The following PTK2 variants were observed in gnomAD, a reference collection of about 807,000 sequenced individuals.
PTK2 encodes the protein focal adhesion kinase 1.
In PTK2, 45 loss-of-function variants were observed where a neutral mutation model predicts 150.1. That is an observed-to-expected ratio of 0.30 (90% confidence interval 0.24 to 0.38). The LOEUF is 0.38. PTK2 is among the 10% of genes least tolerant of loss of function. PTK2 has a pLI of 1.00. For synonymous variants in PTK2, 432 were observed against 449.2 expected (o/e 0.96, Z 0.48); for missense variants, 919 against 1,307.3 (o/e 0.70, Z 4.58).
chr8:140,719,970 ATGT>A (rs1189619633), intron 22 of PTK2, among the ~76,000 whole-genome samples: 1 of 151,946 alleles, frequency 6.6e-6, no homozygotes, highest in African/African-American at 2.4e-5. Flanking sequence ...CAGGACACAA[ATGT>A]TGTGATGAGC....
Position 140,770,698 on chromosome 8 carries a change from C to CAAAT in PTK2, c.1178-6412_1178-6409dup. 1 of 1,267,842 alleles carries CAAAT rather than the reference C, an allele frequency of 7.9e-7. No individual in the cohort carries two copies. Among genetic ancestry groups the CAAAT allele is most frequent in the South Asian group, 1.3e-5 (1 of 77,778 alleles). 78.5% of individuals were successfully genotyped at this position (1,267,842 alleles called of 1,614,324 possible). The stretch of plus-strand genomic sequence containing the variant: ...GCTCTGGTTAATAGGAGAGCCTGTG[C>CAAAT]AAATATGAGTGCAGTACCCGTAGAA... On this transcript the variant is annotated intron_variant, in intron 14 of 31. Coordinates refer to ENST00000522684, the Ensembl canonical transcript of PTK2.
intron 16 of PTK2, among the ~76,000 whole-genome samples, chr8:140,753,992 G>A (rs769526331): frequency 6.6e-6 from 1 of 152,218 alleles, no homozygotes; most frequent in Non-Finnish European, 1.5e-5. Flanking sequence ...CAAGTTAGCT[G>A]TCGCATACTT....
At chr8:140,999,312 G>A (rs540116052) in intron 1 of PTK2, among the ~76,000 whole-genome samples, 4 of 152,304 alleles carry the variant, frequency 2.6e-5, no homozygotes, top group African/African-American at 9.6e-5. Flanking sequence ...TAAATAATCT[G>A]TGCCTGTGTT....
At chr8:140,737,063 A>G (rs1374581565) in intron 21 of PTK2, among the ~76,000 whole-genome samples, 1 of 152,206 alleles carries the variant, frequency 6.6e-6, no homozygotes, top group Admixed American at 6.5e-5. Context: ...CAACAATATT[A>G]TCAGTAGTAG....
At chr8:140,813,813 A>C (rs1474885323) in intron 10 of PTK2, among the ~76,000 whole-genome samples, 1 of 128,208 alleles carries the variant, frequency 7.8e-6, no homozygotes, top group Admixed American at 8.3e-5. Context: ...AACCAGGATG[A>C]ATTGAAGGAG....
exon 15 of PTK2, chr8:140,764,265 T>A (rs1194090798): frequency 6.2e-7 from 1 of 1,611,364 alleles, no homozygotes; most frequent in Admixed American, 1.7e-5. Context: ...CTTCTTCATC[T>A]ATAATCTCAG....
At chr8:140,803,724 G>T in intron 10 of PTK2, 74 bp from the exon 11 acceptor site, 1 of 1,351,254 alleles carries the variant, frequency 7.4e-7, no homozygotes. Context: ...AATGTTCTGT[G>T]AAATCCTCGT....
At chr8:140,980,981 C>G (rs1337251723) in intron 1 of PTK2, among the ~76,000 whole-genome samples, 1 of 109,880 alleles carries the variant, frequency 9.1e-6, no homozygotes, top group African/African-American at 2.7e-5. Flanking sequence ...AGGCTGGTCT[C>G]GAACTCTTCA....
rs146424659 is a variant in PTK2 at position 140,875,290 on chromosome 8, G to A, written c.362+4181C>T. Among the ~76,000 whole-genome samples, 487 of 152,212 alleles carry A rather than the reference G, an allele frequency of 3.2e-3. 1 individual carries two copies. The highest frequency in any genetic ancestry group is 4.8e-3 in the Non-Finnish European group (328 of 68,010). On this transcript the variant is annotated intron_variant, in intron 4 of 31. Coordinates refer to ENST00000522684, the Ensembl canonical transcript of PTK2. ...AAACGATAAAGGAAAAAAGGGAGGT[G>A]AGACAAAGAAAGCGTTAATTAAGAT...
intron 22 of PTK2, among the ~76,000 whole-genome samples, chr8:140,728,067 TGC>T (rs538192781): frequency 6.6e-6 from 1 of 151,794 alleles, no homozygotes; most frequent in South Asian, 2.1e-4. Flanking sequence ...AGCACAGTGG[TGC>T]GCGCCTGTAA....
chr8:140,760,174 A>AAG (rs2100068583), intron 16 of PTK2, among the ~76,000 whole-genome samples: 1 of 152,012 alleles, frequency 6.6e-6, no homozygotes, highest in East Asian at 1.9e-4. Flanking sequence ...GTGAGCTGAG[A>AAG]AGACACCACT....
intron 26 of PTK2, 97 bp downstream of exon 29, chr8:140,700,794 C>T: frequency 6.8e-7 from 1 of 1,472,804 alleles, no homozygotes; most frequent in Non-Finnish European, 9.2e-7. Flanking sequence ...AAAACTAACT[C>T]TCCTGCTTTG....
At chr8:140,763,015 C>CA (rs2100070235) in intron 15 of PTK2, among the ~76,000 whole-genome samples, 1 of 152,190 alleles carries the variant, frequency 6.6e-6, no homozygotes, top group African/African-American at 2.4e-5. Flanking sequence ...CTCTTAGACT[C>CA]AAACAATTCT....
intron 1 of PTK2, among the ~76,000 whole-genome samples, chr8:140,968,235 T>A (rs1175630182): frequency 6.6e-6 from 1 of 152,212 alleles, no homozygotes; most frequent in Non-Finnish European, 1.5e-5. Context: ...GCCCATTTTG[T>A]ATGCATAGCA....
At chr8:140,776,129 C>T (rs1000869095) in intron 14 of PTK2, among the ~76,000 whole-genome samples, 4 of 152,184 alleles carry the variant, frequency 2.6e-5, no homozygotes, top group Non-Finnish European at 5.9e-5. Flanking sequence ...TAAGCCTCCC[C>T]AGTGGCTGGG....
At chr8:140,764,332 C>T in intron 14 of PTK2, 42 bp from the exon 17 acceptor site, 1 of 1,387,188 alleles carries the variant, frequency 7.2e-7, no homozygotes, top group Non-Finnish European at 1.0e-6. Flanking sequence ...GGTTAAACAT[C>T]TGACCTCCTG....
chr8:140,795,563 A>G (rs1282352217), intron 12 of PTK2, among the ~76,000 whole-genome samples: 1 of 152,140 alleles, frequency 6.6e-6, no homozygotes, highest in Admixed American at 6.5e-5. Context: ...ATACAGCTCA[A>G]CATCATTTGA....
Position 140,747,099 on chromosome 8 carries a change from C to A in PTK2, c.1418-239G>T, listed in dbSNP as rs971251199. 4 of 375,688 alleles carry A rather than the reference C, an allele frequency of 1.1e-5. No individual in the cohort carries two copies. The Admixed American group carries it at 1.7e-4, about 16-fold the overall frequency. 23.3% of individuals were successfully genotyped at this position (375,688 alleles called of 1,614,324 possible). On this transcript the variant is annotated intron_variant, in intron 17 of 31. Coordinates refer to ENST00000522684, the Ensembl canonical transcript of PTK2. ...TAGAGATGGGATTTCACCATGTTGGCCAGGATGGTCTCGATCTCTTGACCT... is the reference window on the plus strand; with the variant it reads ...TAGAGATGGGATTTCACCATGTTGGACAGGATGGTCTCGATCTCTTGACCT...
At chr8:140,714,754 G>A (rs1305189315) in intron 23 of PTK2, among the ~76,000 whole-genome samples, 1 of 124,070 alleles carries the variant, frequency 8.1e-6, no homozygotes, top group South Asian at 2.6e-4. Flanking sequence ...CCAAGATTGC[G>A]CCACTGCACT....
Sources: allele counts gnomAD v4.1 joint callset (sites outside exome capture counted in the v4.1 genomes callset), GRCh38; gene constraint gnomAD v4.1.1; transcripts MANE v1.5; gene names NCBI Gene and HGNC (gene_info 2026-07-23, HGNC 2026-07-21).